ARHGEF33: variants seen among roughly 807,000 people sequenced by gnomAD.
ARHGEF33 encodes the protein Rho guanine nucleotide exchange factor 33.
In ARHGEF33, 72 loss-of-function variants were observed where a neutral mutation model predicts 101.9. That is an observed-to-expected ratio of 0.71 (90% CI 0.58 to 0.86). The LOEUF (loss-of-function observed/expected upper bound fraction) is 0.86. Ranked by LOEUF, ARHGEF33 falls within the 40% of genes least tolerant of loss-of-function variation. The probability of loss-of-function intolerance (pLI) is 0.00; values close to 1 mark genes in which losing one functional copy is unlikely to be tolerated. For synonymous variants in ARHGEF33, 499 were observed against 442.5 expected, an observed-to-expected ratio of 1.13 and a Z score of -1.60; for missense variants, 1,169 against 1,111.3, an observed-to-expected ratio of 1.05 and a Z score of -0.74.
intron 9 of ARHGEF33, 84 bp downstream of exon 9, chr2:38,937,643 C>T (rs114567206): frequency 8.1e-5 from 68 of 839,740 alleles, no homozygotes; most frequent in Admixed American, 1.0e-4. Context: ...GAATCCTTGC[C>T]GTTTAGATTC....
At chr2:38,943,449 C>T (rs900466564) in intron 9 of ARHGEF33, among the ~76,000 whole-genome samples, 1 of 152,204 alleles carries the variant, frequency 6.6e-6, no homozygotes, top group African/African-American at 2.4e-5. Flanking sequence ...TCTACTATGT[C>T]TAAAGTCTTT....
Position 38,929,360 on chromosome 2 carries a change from G to A in ARHGEF33, c.240+289G>A, listed in dbSNP as rs567151589. On this transcript the variant is annotated intron_variant, in intron 5 of 17. Transcript: ENST00000409978. ...AGGAGAATCGCTTGAGCCAGGAAGT[G>A]GAGGTTGTAGTGTGCTGAGATCACG... Among the ~76,000 whole-genome samples the A allele has an allele frequency of 2.7e-3, 407 of 152,148 alleles. 1 individual carries two copies. Among genetic ancestry groups the A allele is most frequent in the South Asian group, 0.017 (84 of 4,816 alleles).
intron 2 of ARHGEF33, among the ~76,000 whole-genome samples, chr2:38,915,207 G>A (rs1666604855): frequency 6.6e-6 from 1 of 151,914 alleles, no homozygotes. Context: ...AGGTGGGAAA[G>A]GTAGTTACAA....
At chr2:38,923,221 T>C (rs1459835917) in intron 4 of ARHGEF33, among the ~76,000 whole-genome samples, 1 of 152,184 alleles carries the variant, frequency 6.6e-6, no homozygotes, top group African/African-American at 2.4e-5. Flanking sequence ...ATATGACCTC[T>C]GTGATGCTAT....
At chr2:38,954,002 C>G (rs1667679428) in intron 12 of ARHGEF33, among the ~76,000 whole-genome samples, 1 of 152,220 alleles carries the variant, frequency 6.6e-6, no homozygotes. Flanking sequence ...CCAAGTCTCC[C>G]TTAGAGCCTG....
At chr2:38,891,831 G>C (rs1002277883) in intron 1 of ARHGEF33, among the ~76,000 whole-genome samples, 2 of 146,284 alleles carry the variant, frequency 1.4e-5, no homozygotes, top group African/African-American at 2.5e-5. Flanking sequence ...TGTGCCTTTT[G>C]AGAGTGCCAG....
chr2:38,967,849 G>A (rs1285941975), intron 17 of ARHGEF33, among the ~76,000 whole-genome samples: 5 of 151,014 alleles, frequency 3.3e-5, no homozygotes, highest in African/African-American at 4.9e-5. Flanking sequence ...CAAAGTGTTG[G>A]GATTACAGGC....
intron 7 of ARHGEF33, 158 bp downstream of exon 7, chr2:38,931,409 A>G (rs1667000812): frequency 3.4e-6 from 2 of 592,482 alleles, no homozygotes; most frequent in Non-Finnish European, 5.6e-6. Flanking sequence ...CAGAGGATCT[A>G]AGAGACCACA....
chr2:38,897,584 C>T lies in ARHGEF33; in HGVS notation c.-86+1735C>T, dbSNP rs546880977. On this transcript the variant is annotated intron_variant, in intron 2 of 17. Transcript: ENST00000409978. ...CTGATGTGAGCTCTGAACTCTTTCC[C>T]AGTAAGAAAATGAACCTATAAAATT... Among the ~76,000 whole-genome samples the T allele has an allele frequency of 9.9e-5, 15 of 152,230 alleles. No individual in the cohort carries two copies. In the East Asian group the frequency reaches 2.9e-3, roughly 29 times the overall value.
intron 17 of ARHGEF33, among the ~76,000 whole-genome samples, chr2:38,966,833 A>T (rs1032557347): frequency 3.3e-5 from 5 of 152,318 alleles, no homozygotes; most frequent in Admixed American, 2.6e-4. Context: ...CCCCAGCATA[A>T]AATGTAAGGA....
intron 9 of ARHGEF33, among the ~76,000 whole-genome samples, chr2:38,942,506 C>A (rs2123880): frequency 1.0e-5 from 1 of 98,136 alleles, no homozygotes; most frequent in African/African-American, 3.4e-5. Flanking sequence ...GATTTCTTTT[C>A]TTCATCTTCT....
intron 6 of ARHGEF33, among the ~76,000 whole-genome samples, chr2:38,930,771 G>T (rs952232761): frequency 6.6e-6 from 1 of 152,164 alleles, no homozygotes; most frequent in Non-Finnish European, 1.5e-5. Context: ...GAGTTGCATT[G>T]CTAAGCGAAT....
Position 38,928,989 on chromosome 2 carries a change from C to A in ARHGEF33, c.158C>A (p.Ala53Asp). Reference protein sequence around the residue: ...ELSRIQHGEYALEEKVKSCRC... With the variant: ...ELSRIQHGEYDLEEKVKSCRC... ...TCAAGAATTCAACATGGAGAATATG[C>A]TTTGGAAGAAAAGGTTAAGAGCTGC... The change falls in exon 5 of 18, where the codon GCT becomes GAT. Residue 53 changes from alanine (A) to aspartate (D), a missense_variant. Coordinates refer to ENST00000409978, the MANE Select transcript of ARHGEF33 (RefSeq NM_001145451.5). 2 of 1,551,358 alleles carry A rather than the reference C, an allele frequency of 1.3e-6. No individual in the cohort carries two copies. Among genetic ancestry groups the A allele is most frequent in the Non-Finnish European group, 1.7e-6 (2 of 1,146,702 alleles).
chr2:38,911,443 C>A (rs1666507496), intron 2 of ARHGEF33, among the ~76,000 whole-genome samples: 2 of 152,170 alleles, frequency 1.3e-5, no homozygotes, highest in African/African-American at 4.8e-5. Context: ...TTTTCTGTCA[C>A]AGCAGTAATT....
At position 38,929,689 on chromosome 2, in the gene ARHGEF33, T is replaced by C; in HGVS notation, c.241-20T>C. ...TTACCCCATGTACCACGTTAAAACA[T>C]AGCAATTCTTATTTTTTAGGAAGAG... is the stretch of plus-strand genomic sequence containing the variant. On this transcript the variant is annotated intron_variant, in intron 5 of 17. Coordinates refer to ENST00000409978, the MANE Select transcript of ARHGEF33 (RefSeq NM_001145451.5). 1.3e-6 allele frequency: 2 copies of C among 1,549,796 alleles called. No individual in the cohort carries two copies. The highest frequency in any genetic ancestry group is 1.7e-6 in the Non-Finnish European group (2 of 1,145,378).
chr2:38,961,418 C>G (rs1338312051), intron 16 of ARHGEF33, among the ~76,000 whole-genome samples: 1 of 152,104 alleles, frequency 6.6e-6, no homozygotes, highest in Non-Finnish European at 1.5e-5. Context: ...TGTCTGCAAG[C>G]CTGGAGGGCA....
intron 17 of ARHGEF33, among the ~76,000 whole-genome samples, chr2:38,968,090 A>G (rs1668090886): frequency 1.3e-5 from 2 of 152,048 alleles, no homozygotes; most frequent in African/African-American, 2.4e-5. Context: ...ATTCCTATTT[A>G]TCAGAGAGAT....
At chr2:38,898,320 T>C (rs1666165752) in intron 2 of ARHGEF33, among the ~76,000 whole-genome samples, 1 of 152,154 alleles carries the variant, frequency 6.6e-6, no homozygotes, top group Non-Finnish European at 1.5e-5. Flanking sequence ...CGGGTGCGTG[T>C]CAAACACAAA....
intron 7 of ARHGEF33, 78 bp downstream of exon 7, chr2:38,931,329 C>G: frequency 7.8e-7 from 1 of 1,281,086 alleles, no homozygotes; most frequent in Non-Finnish European, 1.1e-6. Flanking sequence ...CTTAAACCCT[C>G]CATCTTTGTT....
Sources: gnomAD v4.1 joint callset for allele counts (sites outside exome capture counted in the v4.1 genomes callset) on GRCh38, gnomAD v4.1.1 for gene constraint, MANE v1.5 for transcripts, NCBI Gene and HGNC (gene_info 2026-07-23, HGNC 2026-07-21) for gene names.